Variants in CNTN4 observed in about 807,000 individuals in gnomAD.
CNTN4 encodes contactin 4, also known as contactin-4.
A neutral mutation model predicts 122.5 loss-of-function variants in CNTN4; 77 were observed. The ratio of observed to expected loss-of-function variants is 0.63; its 90% confidence interval spans 0.52 to 0.76. CNTN4 has a LOEUF of 0.76. Among genes scored for constraint, CNTN4 ranks in the 30% least tolerant of loss-of-function variants. The pLI is 0.00. For missense variants in CNTN4, 1,256 were observed against 1,259.1 expected (o/e 1.00, Z 0.04); for synonymous variants, 512 against 447.0 (o/e 1.15, Z -1.83).
At chr3:2,715,718 G>A (rs2087451848) in intron 4 of CNTN4, among the ~76,000 whole-genome samples, 1 of 152,164 alleles carries the variant, frequency 6.6e-6, no homozygotes, top group Non-Finnish European at 1.5e-5. Context: ...ATGCTGACTT[G>A]CAGACAGATG....
At chr3:2,632,576 A>G (rs1380027063) in intron 4 of CNTN4, among the ~76,000 whole-genome samples, 1 of 152,182 alleles carries the variant, frequency 6.6e-6, no homozygotes, top group Non-Finnish European at 1.5e-5. Flanking sequence ...TAGTATTGAC[A>G]TTGAGAGAAC....
intron 2 of CNTN4, among the ~76,000 whole-genome samples, chr3:2,338,117 T>C (rs1473704971): frequency 6.6e-6 from 1 of 152,176 alleles, no homozygotes; most frequent in East Asian, 1.9e-4. Flanking sequence ...ATTTATGAAA[T>C]TGTATTTGTT....
At chr3:2,741,888 T>C (rs926469404) in intron 5 of CNTN4, among the ~76,000 whole-genome samples, 1 of 152,246 alleles carries the variant, frequency 6.6e-6, no homozygotes, top group African/African-American at 2.4e-5. Context: ...CAGAAACCTA[T>C]TATGTTTTTA....
chr3:2,791,883 T>G (rs1342646414), intron 6 of CNTN4, among the ~76,000 whole-genome samples: 1 of 152,112 alleles, frequency 6.6e-6, no homozygotes, highest in African/African-American at 2.4e-5. Context: ...CCTCTGTGTG[T>G]CTGTCTAATC....
chr3:2,513,148 T>A (rs1479216830), intron 3 of CNTN4, among the ~76,000 whole-genome samples: 1 of 152,108 alleles, frequency 6.6e-6, no homozygotes, highest in Non-Finnish European at 1.5e-5. Context: ...TGGAAAAAAG[T>A]AAGTGTGCAA....
chr3:3,028,049 C>T (rs1698876256), intron 15 of CNTN4, among the ~76,000 whole-genome samples: 1 of 152,148 alleles, frequency 6.6e-6, no homozygotes, highest in Non-Finnish European at 1.5e-5. Flanking sequence ...TCATTAATGT[C>T]TGTGGAGTCA....
chr3:2,871,484 G>T (rs1473362238), intron 8 of CNTN4, among the ~76,000 whole-genome samples: 2 of 151,936 alleles, frequency 1.3e-5, no homozygotes, highest in Non-Finnish European at 2.9e-5. Flanking sequence ...GGTAAATTTT[G>T]ATTTATTTTT....
intron 3 of CNTN4, among the ~76,000 whole-genome samples, chr3:2,479,638 G>A (rs35346733): frequency 0.13 from 20,371 of 152,120 alleles, 1,774 homozygotes; most frequent in Middle Eastern, 0.22. Flanking sequence ...TGCATGCTAG[G>A]AGATAAATTA....
intron 7 of CNTN4, among the ~76,000 whole-genome samples, chr3:2,861,095 A>T (rs2093666888): frequency 6.6e-6 from 1 of 152,212 alleles, no homozygotes; most frequent in African/African-American, 2.4e-5. Flanking sequence ...ATGTTTGGTG[A>T]TCGGTGTAAC....
chr3:2,976,481 A>G (rs1432107522), intron 13 of CNTN4, among the ~76,000 whole-genome samples: 1 of 152,188 alleles, frequency 6.6e-6, no homozygotes, highest in Non-Finnish European at 1.5e-5. Flanking sequence ...CTTTGTCACC[A>G]GGGTGTCTGT....
chr3:2,266,180 G>A (rs1360850521), intron 2 of CNTN4, among the ~76,000 whole-genome samples: 2 of 152,050 alleles, frequency 1.3e-5, no homozygotes, highest in East Asian at 1.9e-4. Flanking sequence ...ACCCCATTCA[G>A]TATGATGTTA....
chr3:2,719,160 C>T (rs1334320203), intron 4 of CNTN4, among the ~76,000 whole-genome samples: 1 of 152,146 alleles, frequency 6.6e-6, no homozygotes, highest in African/African-American at 2.4e-5. Flanking sequence ...CTATTGTATC[C>T]TCTACATGTG....
At chr3:2,912,133 C>G (rs1559654094) in intron 12 of CNTN4, among the ~76,000 whole-genome samples, 1 of 152,122 alleles carries the variant, frequency 6.6e-6, no homozygotes, top group African/African-American at 2.4e-5. Flanking sequence ...CACTGAGACA[C>G]ATTATAATCA....
At chr3:2,729,167 C>A (rs879264671) in intron 4 of CNTN4, among the ~76,000 whole-genome samples, 1 of 152,246 alleles carries the variant, frequency 6.6e-6, no homozygotes, top group East Asian at 1.9e-4. Context: ...AAGGGTCATG[C>A]GGCGAAATGT....
chr3:2,713,143 G>A (rs778001743), intron 4 of CNTN4, among the ~76,000 whole-genome samples: 2 of 152,160 alleles, frequency 1.3e-5, no homozygotes, highest in Non-Finnish European at 2.9e-5. Context: ...TATCTGAAGT[G>A]GGGGAGCAGT....
At chr3:2,939,359 G>T (rs141891467) in intron 13 of CNTN4, among the ~76,000 whole-genome samples, 1,853 of 152,176 alleles carry the variant, frequency 0.012, 43 homozygotes, top group African/African-American at 0.042. Flanking sequence ...AATAGAGTAG[G>T]TGTGTGTGGG....
intron 3 of CNTN4, among the ~76,000 whole-genome samples, chr3:2,375,132 A>G (rs556497975): frequency 3.9e-5 from 6 of 152,336 alleles, no homozygotes; most frequent in African/African-American, 1.4e-4. Context: ...TTAATCAACA[A>G]GTTGACAGTA....
intron 12 of CNTN4, among the ~76,000 whole-genome samples, chr3:2,917,810 G>C (rs1180176984): frequency 6.6e-6 from 1 of 152,152 alleles, no homozygotes; most frequent in Non-Finnish European, 1.5e-5. Flanking sequence ...TGTTCTGTTG[G>C]TATAATGACC....
intron 12 of CNTN4, among the ~76,000 whole-genome samples, chr3:2,909,785 T>A (rs1423734875): frequency 6.6e-6 from 1 of 152,224 alleles, no homozygotes; most frequent in Non-Finnish European, 1.5e-5. Flanking sequence ...TGCTGAACTC[T>A]ACCCTGAGAA....
Sources: allele counts gnomAD v4.1 joint callset (sites outside exome capture counted in the v4.1 genomes callset), GRCh38; gene constraint gnomAD v4.1.1; transcripts MANE v1.5; gene names NCBI Gene and HGNC (gene_info 2026-07-23, HGNC 2026-07-21).